WDPCP: variants seen among roughly 807,000 people sequenced by gnomAD.
WDPCP encodes WD repeat containing planar cell polarity effector.
A neutral mutation model predicts 93.1 loss-of-function variants in WDPCP; 71 were observed. That is an observed-to-expected ratio of 0.76 (90% CI 0.63 to 0.93). WDPCP has a LOEUF of 0.93. Ranked by LOEUF, WDPCP falls within the 40% of genes least tolerant of loss-of-function variation. The probability of loss-of-function intolerance (pLI) is 0.00; values close to 1 mark genes in which losing one functional copy is unlikely to be tolerated. For synonymous variants in WDPCP, 315 were observed against 315.0 expected (o/e 1.00, Z 0.00); for missense variants, 844 against 887.4 (o/e 0.95, Z 0.62).
chr2:63,621,465 A>T (rs1047753232), intron 3 of WDPCP, among the ~76,000 whole-genome samples: 1 of 152,066 alleles, frequency 6.6e-6, no homozygotes, highest in African/African-American at 2.4e-5. Flanking sequence ...TGTGAAGACA[A>T]GATTAGAGAA....
the WDPCP span, among the ~76,000 whole-genome samples, chr2:63,839,390 T>C: frequency 1.3e-5 from 2 of 152,058 alleles, no homozygotes; most frequent in Admixed American, 1.3e-4. Context: ...AAACCCCGCC[T>C]CTACTAAAAA....
rs73934735 is a variant in WDPCP at position 63,658,183 on chromosome 2, T to C, written n.309-7345A>G. Among the ~76,000 whole-genome samples, 901 of 152,350 alleles carry C rather than the reference T, an allele frequency of 5.9e-3. 14 individuals carry two copies. The highest frequency in any genetic ancestry group is 0.021 in the African/African-American group (859 of 41,572). On this transcript the variant is annotated intron_variant and non_coding_transcript_variant, in intron 2 of 4. Transcript: ENST00000467687. ...CACATTATACCTTTGATTCTGATTC[T>C]TGGTTTTAAGAAAAGTTCCAATGTG...
chr2:63,490,104 T>TA (rs60420871), intron 2 of WDPCP, among the ~76,000 whole-genome samples: 27,838 of 125,864 alleles, frequency 0.22, 2,828 homozygotes, highest in Middle Eastern at 0.31. Context: ...CATGAAAATG[T>TA]AAAAAAAAAA....
At chr2:63,715,941 C>T (rs886559658) in intron 2 of WDPCP, among the ~76,000 whole-genome samples, 26 of 152,260 alleles carry the variant, frequency 1.7e-4, no homozygotes, top group African/African-American at 6.3e-4. Flanking sequence ...CACACGAGGT[C>T]GAGGTTGGTG....
At chr2:63,589,115 T>C (rs369939763), upstream of WDPCP, 1 of 1,614,138 alleles carries the variant, frequency 6.2e-7, no homozygotes. Context: ...TCTTGCACTT[T>C]AGGGACTTTT....
intron 12 of WDPCP, among the ~76,000 whole-genome samples, chr2:63,324,387 A>G (rs1165198552): frequency 6.6e-6 from 1 of 152,010 alleles, no homozygotes; most frequent in Non-Finnish European, 1.5e-5. Flanking sequence ...TCTCCAAAGG[A>G]CCACAAAAAC....
chr2:63,279,874 AG>A (rs1469502466), intron 13 of WDPCP, among the ~76,000 whole-genome samples: 1 of 152,186 alleles, frequency 6.6e-6, no homozygotes, highest in Non-Finnish European at 1.5e-5. Flanking sequence ...TGCAAAAAAA[AG>A]GAAAAGGAAA....
At chr2:63,699,187 C>T (rs1669009196) in intron 2 of WDPCP, among the ~76,000 whole-genome samples, 1 of 152,202 alleles carries the variant, frequency 6.6e-6, no homozygotes, top group Non-Finnish European at 1.5e-5. Context: ...CACTGTCTTT[C>T]ACCCATCCAT....
intron 1 of WDPCP, among the ~76,000 whole-genome samples, chr2:63,509,017 A>C (rs1339874181): frequency 6.6e-6 from 1 of 152,180 alleles, no homozygotes; most frequent in Non-Finnish European, 1.5e-5. Flanking sequence ...AATATTAGGC[A>C]CATCAACAAG....
rs183840402 is a variant in WDPCP, at chr2:63,410,350, C to G, written c.826-5693G>C. On this transcript the variant is annotated intron_variant, in intron 9 of 17. Transcript: ENST00000272321. ...ATTTGCCACTACCAAGCAACCACTA[C>G]AAGAACTGCTAAAAGGAGCTCTAAA... Among the ~76,000 whole-genome samples the G allele has an allele frequency of 1.3e-3, 194 of 152,262 alleles. 1 individual carries two copies. Among genetic ancestry groups the G allele is most frequent in the Middle Eastern group, 6.8e-3 (2 of 294 alleles).
intron 14 of WDPCP, among the ~76,000 whole-genome samples, chr2:63,189,186 C>T (rs747279164): frequency 3.3e-5 from 5 of 152,156 alleles, no homozygotes; most frequent in Non-Finnish European, 7.3e-5. Context: ...AGGCATTAAC[C>T]TCTGTTTTCA....
intron 12 of WDPCP, among the ~76,000 whole-genome samples, chr2:63,361,555 T>G (rs921293734): frequency 2.6e-5 from 4 of 152,138 alleles, no homozygotes; most frequent in African/African-American, 9.7e-5. Context: ...AAGAATAACA[T>G]AGGGAACATG....
upstream of WDPCP, among the ~76,000 whole-genome samples, chr2:63,830,693 C>G (rs555611276): frequency 2.6e-5 from 4 of 152,128 alleles, no homozygotes; most frequent in South Asian, 2.1e-4. Context: ...ATCTGATACT[C>G]TCCTCTCTGG....
At chr2:63,594,014 A>G (rs770289048) in intron 3 of WDPCP, among the ~76,000 whole-genome samples, 1 of 152,168 alleles carries the variant, frequency 6.6e-6, no homozygotes, top group Non-Finnish European at 1.5e-5. Context: ...CCTCCTCCAG[A>G]CAAAGTTGAA....
At chr2:63,278,390 G>A (rs1392438192) in intron 13 of WDPCP, among the ~76,000 whole-genome samples, 2 of 151,958 alleles carry the variant, frequency 1.3e-5, no homozygotes, top group Admixed American at 6.6e-5. Flanking sequence ...AAAACCAGCA[G>A]AAGAAAAGAA....
At chr2:63,378,146 A>G (rs1692007939) in intron 12 of WDPCP, 1 of 506,526 alleles carries the variant, frequency 2.0e-6, no homozygotes, top group Non-Finnish European at 3.5e-6. Flanking sequence ...TAGCTTTCAT[A>G]TTAAAGAGGA....
intron 6 of WDPCP, among the ~76,000 whole-genome samples, chr2:63,468,584 A>C (rs1186729398): frequency 6.6e-6 from 1 of 152,140 alleles, no homozygotes; most frequent in East Asian, 1.9e-4. Flanking sequence ...CTGAAAACTC[A>C]CTAGTTAACC....
chr2:63,208,863 C>T (rs1303352340), intron 14 of WDPCP, among the ~76,000 whole-genome samples: 1 of 152,144 alleles, frequency 6.6e-6, no homozygotes, highest in African/African-American at 2.4e-5. Flanking sequence ...CCTTCTGCTC[C>T]ATAGGAGGTT....
intron 2 of WDPCP, among the ~76,000 whole-genome samples, chr2:63,489,682 C>T (rs944779622): frequency 6.6e-6 from 1 of 151,980 alleles, no homozygotes; most frequent in Non-Finnish European, 1.5e-5. Flanking sequence ...CTGGCCACAT[C>T]AGGGACAATT....
Sources: allele counts gnomAD v4.1 joint callset (sites outside exome capture counted in the v4.1 genomes callset), GRCh38; gene constraint gnomAD v4.1.1; transcripts MANE v1.5; gene names NCBI Gene and HGNC (gene_info 2026-07-23, HGNC 2026-07-21).